TOM1: variants seen among roughly 807,000 people sequenced by gnomAD.
The protein encoded by TOM1 is target of myb1 membrane trafficking protein, also known as target of Myb protein 1.
TOM1 carries 38 observed loss-of-function variants against 61.3 expected under a neutral mutation model. That is an observed-to-expected ratio of 0.62 (90% confidence interval 0.48 to 0.81). TOM1 has a LOEUF of 0.81. Ranked by LOEUF, TOM1 falls within the 40% of genes least tolerant of loss-of-function variation. The pLI is 0.00. For synonymous variants in TOM1, 270 were observed against 268.8 expected (o/e 1.00, Z -0.04); for missense variants, 591 against 659.6 (o/e 0.90, Z 1.14).
intron 1 of TOM1, among the ~76,000 whole-genome samples, chr22:35,313,353 A>AAAAG (rs371431626): frequency 6.6e-6 from 1 of 151,982 alleles, no homozygotes; most frequent in Non-Finnish European, 1.5e-5. Flanking sequence ...TCAAAAAAAA[A>AAAAG]AAAGAAAGAA....
rs764071952 is a variant in TOM1, at chr22:35,299,971, C to G, written c.43C>G (p.Gln15Glu). Residue 15 changes from glutamine (Q) to glutamate (E), a missense_variant, in exon 1 of 15, where the codon CAG becomes GAG. Transcript: ENST00000449058. Reference sequence around the variant, plus strand: ...GAACCCGTTCAGCTCTCCAGTGGGACAGCGCATCGGTGAGTCCCTGGAGCC... The same window carrying G: ...GAACCCGTTCAGCTCTCCAGTGGGAGAGCGCATCGGTGAGTCCCTGGAGCC... ...LGNPFSSPVG[Q>E]RIEKATDGSL... 1.3e-6 allele frequency: 2 copies of G among 1,577,132 alleles called. No individual in the cohort carries two copies. Among genetic ancestry groups the G allele is most frequent in the South Asian group, 1.2e-5 (1 of 86,712 alleles).
intron 1 of TOM1, among the ~76,000 whole-genome samples, chr22:35,306,686 A>G (rs973030458): frequency 6.6e-6 from 1 of 152,226 alleles, no homozygotes; most frequent in African/African-American, 2.4e-5. Flanking sequence ...ACTTCCTGCC[A>G]GACAGGAAGT....
At chr22:35,311,554 C>CA (rs1396666954) in intron 1 of TOM1, among the ~76,000 whole-genome samples, 1 of 152,214 alleles carries the variant, frequency 6.6e-6, no homozygotes, top group Non-Finnish European at 1.5e-5. Flanking sequence ...AGCACCTAGG[C>CA]AGTGCAGAGC....
At chr22:35,314,800 C>T (rs932264290) in intron 1 of TOM1, among the ~76,000 whole-genome samples, 4 of 152,226 alleles carry the variant, frequency 2.6e-5, no homozygotes, top group South Asian at 2.1e-4. Context: ...CAGGCACCTG[C>T]GCCACAGCGT....
intron 8 of TOM1, chr22:35,331,423 A>G (rs1355557642): frequency 2.4e-6 from 1 of 421,454 alleles, no homozygotes; most frequent in South Asian, 1.8e-5. Context: ...CCCACCTTGT[A>G]TCATTCTGTT....
At chr22:35,332,426 G>A (rs1406099249) in intron 8 of TOM1, among the ~76,000 whole-genome samples, 1 of 152,118 alleles carries the variant, frequency 6.6e-6, no homozygotes, top group Non-Finnish European at 1.5e-5. Context: ...AGTTCAGAAG[G>A]AACATAATTT....
chr22:35,335,100 C>T (rs771498171), intron 11 of TOM1, among the ~76,000 whole-genome samples: 2 of 152,102 alleles, frequency 1.3e-5, no homozygotes, highest in Non-Finnish European at 2.9e-5. Context: ...GACCCCTTGC[C>T]GGGACCTGCG....
In TOM1 at chr22:35,323,205, G is replaced by A. The variant is rs747268467; in HGVS notation, c.366+28G>A. 6.2e-7 allele frequency: 1 copy of A among 1,609,962 alleles called. No homozygotes were observed. The highest frequency in any genetic ancestry group is 8.5e-7 in the Non-Finnish European group (1 of 1,179,708). On this transcript the variant is annotated intron_variant, in intron 4 of 14. Transcript: ENST00000449058. The surrounding 1 kb of genome is among the most constrained non-coding windows in gnomAD (Gnocchi z 4.2). ...GAGTGCCAGGACAGGGCAGGGCACG[G>A]CCAGGAAGAGCTGTCAGTGCAGGAG... is the stretch of plus-strand genomic sequence containing the variant.
chr22:35,339,692 C>G (rs1451745661), intron 12 of TOM1, among the ~76,000 whole-genome samples: 2 of 151,972 alleles, frequency 1.3e-5, no homozygotes, highest in African/African-American at 4.8e-5. Context: ...ATCACGAGGT[C>G]AGGAGATCGA....
At chr22:35,319,275 G>A (rs183199199) in intron 2 of TOM1, among the ~76,000 whole-genome samples, 63 of 152,278 alleles carry the variant, frequency 4.1e-4, no homozygotes, top group Admixed American at 2.4e-3. Context: ...CAGGCTCGGC[G>A]TCGGTCAGGT....
chr22:35,333,406 C>T lies in TOM1; in HGVS notation c.936C>T (p.Ala312=), dbSNP rs1427726964. The T allele has an allele frequency of 6.2e-7, 1 of 1,613,872 alleles. No individual in the cohort carries two copies. Among genetic ancestry groups the T allele is most frequent in the South Asian group, 1.1e-5 (1 of 91,066 alleles). Residue 312 remains alanine, a splice_region_variant and synonymous_variant, in exon 10 of 15, where the codon GCC becomes GCT. Transcript: ENST00000449058. ...CAGGGCATCTCCCTTCCCACCAGGC[C>T]CCAAGTGAGGCCGAGCCGGCAGCTG... is the stretch of plus-strand genomic sequence containing the variant. ...ERFRTGQTTK[A]PSEAEPAADL... is the part of the protein sequence containing the mutation.
intron 1 of TOM1, among the ~76,000 whole-genome samples, chr22:35,308,715 C>T (rs1231518595): frequency 6.6e-6 from 1 of 152,242 alleles, no homozygotes; most frequent in Non-Finnish European, 1.5e-5. Flanking sequence ...CAGCCAGCCA[C>T]TTCAAGCCTC....
intron 9 of TOM1, 156 bp from the exon 10 acceptor site, chr22:35,333,248 C>G: frequency 1.2e-6 from 1 of 816,150 alleles, no homozygotes; most frequent in Admixed American, 2.4e-5. Context: ...TGAGCTGGAG[C>G]CAGAGGGGAG....
At chr22:35,345,599 G>T in intron 12 of TOM1, 126 bp from the exon 13 acceptor site, 1 of 905,124 alleles carries the variant, frequency 1.1e-6, no homozygotes. Context: ...TGGTGGGTCC[G>T]GGCAGCTAGG....
chr22:35,322,987 C>T (rs912357569), intron 3 of TOM1, 41 bp from the exon 4 acceptor site: 7 of 1,609,116 alleles, frequency 4.4e-6, no homozygotes, highest in African/African-American at 4.0e-5. Flanking sequence ...CACCTCCTCT[C>T]CTCTGACCAA....
rs758476188 is a variant in TOM1, at chr22:35,323,836, C to T, written c.570C>T (p.Asp190=). Residue 190 remains aspartate (D), a synonymous_variant, in exon 6 of 15, where the codon GAC becomes GAT. Coordinates refer to ENST00000449058, the MANE Select transcript of TOM1 (RefSeq NM_005488.3). This position sits in a 1 kb window ranked among gnomAD's most constrained non-coding sequence, Gnocchi z 4.2. ...GCACTGACTCCAGCCAGCAAGAGGA[C>T]TCTGGCCAGCATGCTGCCCCTCTGC... is the stretch of plus-strand genomic sequence containing the variant. ...SVGTDSSQQE[D]SGQHAAPLPA... 6.8e-6 allele frequency: 11 copies of T among 1,612,936 alleles called. No individual in the cohort carries two copies. In the East Asian group the frequency reaches 1.1e-4, roughly 16 times the overall value.
chr22:35,315,473 C>G (rs1341611364), intron 1 of TOM1, among the ~76,000 whole-genome samples: 1 of 152,174 alleles, frequency 6.6e-6, no homozygotes, highest in Non-Finnish European at 1.5e-5. Flanking sequence ...TCCCAGGTGG[C>G]TCTATAAGTG....
At chr22:35,321,046 C>T (rs915565892) in intron 2 of TOM1, among the ~76,000 whole-genome samples, 2 of 147,078 alleles carry the variant, frequency 1.4e-5, no homozygotes, top group Admixed American at 6.9e-5. Context: ...CTGGCCAGGA[C>T]GGGGCATCAG....
chr22:35,330,518 C>T lies in TOM1; in HGVS notation c.899+38C>T, dbSNP rs758402338. Reference sequence around the variant, plus strand: ...CCTCCCCTGGCCTCTGGCCTACTGCCCCAACCCTCTCCCTTCCCTTCCTCC... The same window carrying T: ...CCTCCCCTGGCCTCTGGCCTACTGCTCCAACCCTCTCCCTTCCCTTCCTCC... On this transcript the variant is annotated intron_variant, in intron 8 of 14. Coordinates refer to ENST00000449058, the MANE Select transcript of TOM1 (RefSeq NM_005488.3). The T allele has an allele frequency of 2.0e-5, 32 of 1,566,988 alleles. No homozygotes were observed. In the East Asian group the frequency reaches 6.0e-4, roughly 30 times the overall value.
Sources: allele counts gnomAD v4.1 joint callset (sites outside exome capture counted in the v4.1 genomes callset), GRCh38; gene constraint gnomAD v4.1.1; non-coding constraint Gnocchi (gnomAD v3.1); transcripts MANE v1.5; gene names NCBI Gene and HGNC (gene_info 2026-07-23, HGNC 2026-07-21).